GLIS3: variants seen among roughly 807,000 people sequenced by gnomAD.
GLIS3 encodes GLIS family zinc finger 3, also known as zinc finger protein GLIS3.
In GLIS3, 53 loss-of-function variants were observed where a neutral mutation model predicts 78.6. That is an observed-to-expected ratio of 0.67 (90% CI 0.54 to 0.85). GLIS3 has a LOEUF of 0.85. Ranked by LOEUF, GLIS3 falls within the 40% of genes least tolerant of loss-of-function variation. The probability of loss-of-function intolerance (pLI) is 0.00; values close to 1 mark genes in which losing one functional copy is unlikely to be tolerated. For missense variants in GLIS3, 1,703 were observed against 1,231.1 expected (o/e 1.38, Z -5.74); for synonymous variants, 684 against 509.9 (o/e 1.34, Z -4.60).
chr9:4,465,512 G>T, the GLIS3 span, among the ~76,000 whole-genome samples: 1 of 150,616 alleles, frequency 6.6e-6, no homozygotes, highest in East Asian at 1.9e-4. Context: ...TCATGCCATT[G>T]CACTCCGGCC....
At chr9:4,332,834 G>C (rs1463349408) in intron 2 of GLIS3, among the ~76,000 whole-genome samples, 1 of 152,152 alleles carries the variant, frequency 6.6e-6, no homozygotes, top group Non-Finnish European at 1.5e-5. Context: ...CTGGGTACTA[G>C]ATACTACATA....
chr9:4,432,735 C>A, the GLIS3 span, among the ~76,000 whole-genome samples: 3 of 150,376 alleles, frequency 2.0e-5, no homozygotes, highest in Non-Finnish European at 4.4e-5. Context: ...CCGCCCCCTG[C>A]GCTCAAGTGA....
chr9:3,935,560 C>A (rs7870379), intron 5 of GLIS3, among the ~76,000 whole-genome samples: 31,929 of 152,054 alleles, frequency 0.21, 3,450 homozygotes, highest in Middle Eastern at 0.26. Context: ...GTTCTTGCAA[C>A]CTACAGATAA....
intron 1 of GLIS3, among the ~76,000 whole-genome samples, chr9:4,295,926 C>A (rs867563263): frequency 1.3e-5 from 2 of 152,068 alleles, no homozygotes; most frequent in African/African-American, 2.4e-5. Context: ...AGAATGGCAA[C>A]AAGTTTTTTT....
At chr9:4,461,188 C>T in the GLIS3 span, among the ~76,000 whole-genome samples, 1 of 152,156 alleles carries the variant, frequency 6.6e-6, no homozygotes, top group African/African-American at 2.4e-5. Flanking sequence ...AAACCTCAGG[C>T]ACAAATTAAG....
chr9:4,176,492 A>T (rs867787200), intron 2 of GLIS3, among the ~76,000 whole-genome samples: 4 of 152,166 alleles, frequency 2.6e-5, no homozygotes, highest in Non-Finnish European at 5.9e-5. Flanking sequence ...TTAATATTTT[A>T]CCATTCAGCA....
intron 2 of GLIS3, among the ~76,000 whole-genome samples, chr9:4,225,763 G>C (rs1262311449): frequency 6.6e-6 from 1 of 152,176 alleles, no homozygotes; most frequent in Non-Finnish European, 1.5e-5. Context: ...TTGACAACTT[G>C]AACTCTTGAG....
chr9:4,342,111 C>A (rs970946948), intron 2 of GLIS3, among the ~76,000 whole-genome samples: 1 of 152,146 alleles, frequency 6.6e-6, no homozygotes, highest in Non-Finnish European at 1.5e-5. Context: ...AATTAGGTCC[C>A]ATTTGTCAAT....
chr9:4,439,180 T>C, the GLIS3 span, among the ~76,000 whole-genome samples: 765 of 152,336 alleles, frequency 5.0e-3, 4 homozygotes, highest in African/African-American at 0.018. Context: ...TCCCTGTAAG[T>C]ATAAAATTTT....
the GLIS3 span, among the ~76,000 whole-genome samples, chr9:4,411,675 C>T: frequency 2.6e-5 from 4 of 152,246 alleles, no homozygotes; most frequent in East Asian, 3.9e-4. Context: ...TGGTAGACAA[C>T]CTTAACTTCT....
chr9:4,343,546 A>G (rs1031879283), intron 2 of GLIS3, among the ~76,000 whole-genome samples: 6 of 152,250 alleles, frequency 3.9e-5, no homozygotes, highest in African/African-American at 1.2e-4. Flanking sequence ...CATTCAACCC[A>G]GCAATCCCAT....
At chr9:4,344,386 G>A (rs1817874613) in intron 2 of GLIS3, among the ~76,000 whole-genome samples, 1 of 152,140 alleles carries the variant, frequency 6.6e-6, no homozygotes, top group South Asian at 2.1e-4. Flanking sequence ...GCAGCATTTG[G>A]CAAAGTTGTG....
chr9:4,019,057 A>G (rs567304655), intron 4 of GLIS3, among the ~76,000 whole-genome samples: 6 of 152,334 alleles, frequency 3.9e-5, no homozygotes, highest in Middle Eastern at 3.4e-3. Context: ...CACCTGGCAC[A>G]GTGTCATTAA....
intron 4 of GLIS3, among the ~76,000 whole-genome samples, chr9:3,982,315 T>C (rs1358174511): frequency 2.0e-5 from 3 of 152,028 alleles, no homozygotes; most frequent in Non-Finnish European, 4.4e-5. Flanking sequence ...TAAACGCAGC[T>C]CCTATCCAAG....
chr9:4,174,052 T>C (rs1816612740), intron 2 of GLIS3, among the ~76,000 whole-genome samples: 1 of 152,206 alleles, frequency 6.6e-6, no homozygotes, highest in African/African-American at 2.4e-5. Context: ...TCAATATATT[T>C]AGACCTCTTT....
intron 4 of GLIS3, among the ~76,000 whole-genome samples, chr9:4,000,968 T>C (rs939153889): frequency 5.3e-5 from 8 of 152,204 alleles, no homozygotes; most frequent in Admixed American, 3.3e-4. Context: ...TCTATTTATA[T>C]TGTCTCCCCT....
chr9:4,081,048 C>T (rs565210478), intron 4 of GLIS3, among the ~76,000 whole-genome samples: 3 of 152,256 alleles, frequency 2.0e-5, no homozygotes, highest in South Asian at 4.2e-4. Context: ...TCCTTGATTA[C>T]GGCAGTAGAG....
intron 2 of GLIS3, among the ~76,000 whole-genome samples, chr9:4,233,558 G>C (rs1459532389): frequency 6.6e-6 from 1 of 152,220 alleles, no homozygotes; most frequent in Admixed American, 6.5e-5. Flanking sequence ...GACGTAAAGA[G>C]ATGTGCTCTC....
intron 2 of GLIS3, among the ~76,000 whole-genome samples, chr9:4,196,028 G>T (rs1818808758): frequency 6.6e-6 from 1 of 152,120 alleles, no homozygotes; most frequent in African/African-American, 2.4e-5. Flanking sequence ...ATCTAGTGGG[G>T]ACTTGGAGAA....
Sources: gnomAD v4.1 joint callset for allele counts (sites outside exome capture counted in the v4.1 genomes callset) on GRCh38, gnomAD v4.1.1 for gene constraint, MANE v1.5 for transcripts, NCBI Gene and HGNC (gene_info 2026-07-23, HGNC 2026-07-21) for gene names.